CERS1: variants seen among roughly 807,000 people sequenced by gnomAD.
CERS1 encodes Embryonic growth/differentiation factor 1.
In CERS1, 16 loss-of-function variants were observed where a neutral mutation model predicts 35.7. The ratio of observed to expected loss-of-function variants is 0.45; its 90% confidence interval spans 0.30 to 0.68. The LOEUF (loss-of-function observed/expected upper bound fraction) is 0.68, where lower values mean the gene tolerates loss of function less well. CERS1 is among the 30% of genes least tolerant of loss of function. The pLI, the probability that CERS1 is intolerant of heterozygous loss-of-function variation, is 0.08. For missense variants in CERS1, 454 were observed against 453.9 expected (o/e 1.00, Z 0.00); for synonymous variants, 243 against 201.6 (o/e 1.21, Z -1.74).
At chr19:18,892,788 C>T (rs2056524081) in intron 2 of CERS1, among the ~76,000 whole-genome samples, 1 of 152,146 alleles carries the variant, frequency 6.6e-6, no homozygotes, top group Non-Finnish European at 1.5e-5. Flanking sequence ...AGGATGTCTT[C>T]CCTGAGCTCC....
intron 2 of CERS1, among the ~76,000 whole-genome samples, chr19:18,888,149 C>A (rs529012720): frequency 2.7e-4 from 41 of 152,230 alleles, no homozygotes; most frequent in Admixed American, 3.3e-4. Flanking sequence ...CACTTGAGGT[C>A]AGAAGTTCAA....
At chr19:18,879,760 C>T (rs1263102977) in intron 4 of CERS1, among the ~76,000 whole-genome samples, 12 of 148,760 alleles carry the variant, frequency 8.1e-5, no homozygotes, top group Non-Finnish European at 1.3e-4. Flanking sequence ...TCACCAAGGC[C>T]CCACCTCCTT....
At chr19:18,886,178 G>C (rs966871571) in intron 2 of CERS1, among the ~76,000 whole-genome samples, 23 of 150,912 alleles carry the variant, frequency 1.5e-4, no homozygotes, top group Non-Finnish European at 3.1e-4. Context: ...GGCCGAGGCA[G>C]GAGAGTTGCT....
chr19:18,869,553 T>C (rs2055924595), intron 7 of CERS1, among the ~76,000 whole-genome samples, 163 bp from the exon 8 acceptor site: 1 of 102,322 alleles, frequency 9.8e-6, no homozygotes, highest in Admixed American at 1.2e-4. Flanking sequence ...GGGCAGGGCA[T>C]GAGTTCCAAG....
chr19:18,885,588 C>T (rs1229611324), intron 2 of CERS1, among the ~76,000 whole-genome samples: 5 of 146,304 alleles, frequency 3.4e-5, no homozygotes, highest in Admixed American at 1.4e-4. Context: ...GGCGGGATCT[C>T]GGCTCACTGC....
chr19:18,878,717 C>A lies in CERS1; in HGVS notation c.1010+213G>T. ...GCCTGTCGCCCTGCCTGCCCCTCCC[C>A]AGCCTCTCCCTCCCCTTCCTCACTG... On this transcript the variant is annotated intron_variant, in intron 6 of 7. Transcript: ENST00000623882. The surrounding 1 kb of genome is among the most constrained non-coding windows in gnomAD (Gnocchi z 4.6). The A allele has an allele frequency of 7.2e-7, 1 of 1,389,322 alleles. No homozygotes were observed. The highest frequency in any genetic ancestry group is 9.3e-7 in the Non-Finnish European group (1 of 1,069,932). 86.1% of individuals were successfully genotyped at this position (1,389,322 alleles called of 1,614,324 possible). A position where few individuals can be genotyped will look rare whatever the true frequency, so the allele number is the denominator to read the frequency against.
chr19:18,876,627 C>G (rs1487819549), intron 6 of CERS1, among the ~76,000 whole-genome samples: 1 of 151,650 alleles, frequency 6.6e-6, no homozygotes, highest in East Asian at 1.9e-4. Context: ...TCAAGCCATC[C>G]TCCTGCCTTG....
intron 6 of CERS1, among the ~76,000 whole-genome samples, chr19:18,874,583 G>A (rs1047849301): frequency 6.6e-6 from 1 of 152,208 alleles, no homozygotes; most frequent in African/African-American, 2.4e-5. Context: ...GTGTCTCAAC[G>A]GATGGCCGGT....
rs181264491 is a variant in CERS1 at position 18,876,823 on chromosome 19, C to G, written c.1010+2107G>C. ...GCACATGGGTTGCAGCTAAAGAAAC[C>G]GACATTGGTGCTTTGCTATTAACTA... On this transcript the variant is annotated intron_variant, in intron 6 of 7. Coordinates refer to ENST00000623882, the MANE Select transcript of CERS1 (RefSeq NM_021267.5). 7.6e-4 allele frequency among the ~76,000 whole-genome samples: 116 copies of G among 152,308 alleles called. No individual in the cohort carries two copies. The East Asian group carries it at 0.02, about 26-fold the overall frequency.
At chr19:18,879,454 A>G in intron 4 of CERS1, 66 bp from the exon 5 acceptor site, 2 of 1,526,690 alleles carry the variant, frequency 1.3e-6, no homozygotes, top group Admixed American at 2.0e-5. Context: ...TCCCTGTCCT[A>G]TCCCGTCCTA....
chr19:18,895,361 G>A lies in CERS1; in HGVS notation c.249+463C>T, dbSNP rs1232523186. Among the ~76,000 whole-genome samples the A allele has an allele frequency of 6.6e-6, 1 of 152,208 alleles. No homozygotes were observed. Among genetic ancestry groups the A allele is most frequent in the Non-Finnish European group, 1.5e-5 (1 of 68,024 alleles). The stretch of plus-strand genomic sequence containing the variant: ...CATGGCAGGGAGGCGCATGGCGCAG[G>A]CCGCGGTGCGCCGAGCCCTCCCGTT... On this transcript the variant is annotated intron_variant, in intron 1 of 7. Transcript: ENST00000623882. The surrounding 1 kb of genome is among the most constrained non-coding windows in gnomAD (Gnocchi z 6.4).
At chr19:18,885,511 GTTTT>G (rs59793456) in intron 2 of CERS1, among the ~76,000 whole-genome samples, 39 of 22,128 alleles carry the variant, frequency 1.8e-3, no homozygotes, top group Middle Eastern at 0.11. Flanking sequence ...GCCCCTTCTC[GTTTT>G]TTTTTTTTTT....
chr19:18,886,475 G>A (rs2056364199), intron 2 of CERS1, among the ~76,000 whole-genome samples: 2 of 152,244 alleles, frequency 1.3e-5, no homozygotes, highest in South Asian at 4.2e-4. Flanking sequence ...CTTGAGTCCT[G>A]AAGGGAGGCA....
chr19:18,889,363 T>A (rs2056438556), intron 2 of CERS1, among the ~76,000 whole-genome samples: 1 of 152,066 alleles, frequency 6.6e-6, no homozygotes. Context: ...GTCCTGTAGC[T>A]CCTTCCCCAC....
Position 18,879,556 on chromosome 19 carries a change from GC to G in CERS1, c.753-169del, listed in dbSNP as rs1333257778. Among the ~76,000 whole-genome samples, 4 of 88,992 alleles carry G rather than the reference GC, an allele frequency of 4.5e-5. No homozygotes were observed. In the East Asian group the frequency reaches 1.3e-3, roughly 29 times the overall value. 58.4% of individuals were successfully genotyped at this position (88,992 alleles called of 152,430 possible). On this transcript the variant is annotated intron_variant, in intron 4 of 7. Coordinates refer to ENST00000623882, the MANE Select transcript of CERS1 (RefSeq NM_021267.5). ...TCCTTCCCCTCCCCTGCCATGCCCC[GC>G]CCACCTCGCCAAGGCCCCACATCCT...
At position 18,892,939 on chromosome 19, in the gene CERS1, CAG is replaced by C. The variant is rs551388663; in HGVS notation, c.409+475_409+476del. Among the ~76,000 whole-genome samples, 350 of 152,092 alleles carry C rather than the reference CAG, an allele frequency of 2.3e-3. 3 individuals are homozygous for C. The highest frequency in any genetic ancestry group is 0.019 in the Admixed American group (283 of 15,262). On this transcript the variant is annotated intron_variant, in intron 2 of 7. Transcript: ENST00000623882. The stretch of plus-strand genomic sequence containing the variant: ...TCTTTTTTTCTTTTCTTTTTTAATA[CAG>C]AGTCTCGCTCTGTTGCCCAGGCTGG...
rs968287517 is a variant in CERS1 at position 18,870,137 on chromosome 19, C to G, written c.*440G>C. ...ACAGGCGCCACATGACCGGGGGAAC[C>G]GGCCGGAGCCTGGGGGCACCCTGGG... On this transcript the variant is annotated 3_prime_UTR_variant, in exon 7 of 8. Transcript: ENST00000623882. The surrounding 1 kb of genome is among the most constrained non-coding windows in gnomAD (Gnocchi z 5.1). 1.3e-6 allele frequency: 2 copies of G among 1,564,512 alleles called. No individual in the cohort carries two copies. The highest frequency in any genetic ancestry group is 3.6e-5 in the Admixed American group (2 of 54,848).
intron 3 of CERS1, chr19:18,881,965 A>C (rs971259109): frequency 4.6e-5 from 7 of 152,230 alleles, no homozygotes; most frequent in African/African-American, 1.7e-4. Context: ...ACTCATCACC[A>C]TGCCCAGCTA....
intron 1 of CERS1, among the ~76,000 whole-genome samples, chr19:18,894,245 C>CGGTGGGTG (rs1198888183): frequency 5.6e-5 from 1 of 17,706 alleles, no homozygotes; most frequent in East Asian, 1.3e-3. Flanking sequence ...TTGGGGAGTG[C>CGGTGGGTG]GGTGGGTGGG....
Sources: gnomAD v4.1 joint callset for allele counts (sites outside exome capture counted in the v4.1 genomes callset) on GRCh38, gnomAD v4.1.1 for gene constraint, Gnocchi (gnomAD v3.1) non-coding constraint, MANE v1.5 for transcripts, NCBI Gene and HGNC (gene_info 2026-07-23, HGNC 2026-07-21) for gene names.